The following LRRTM4 variants were observed in gnomAD, a reference collection of about 807,000 sequenced individuals.
LRRTM4 encodes the protein leucine-rich repeat transmembrane neuronal protein 4.
A neutral mutation model predicts 47.6 loss-of-function variants in LRRTM4; 25 were observed. The ratio of observed to expected loss-of-function variants is 0.53; its 90% confidence interval spans 0.38 to 0.73. The LOEUF (loss-of-function observed/expected upper bound fraction) is 0.73. LRRTM4 is among the 30% of genes least tolerant of loss of function. The pLI is 0.00. For missense variants in LRRTM4, 638 were observed against 713.4 expected, an observed-to-expected ratio of 0.89 and a Z score of 1.20; for synonymous variants, 311 against 269.5, an observed-to-expected ratio of 1.15 and a Z score of -1.51.
chr2:76,809,536 C>G (rs933587140), intron 3 of LRRTM4, among the ~76,000 whole-genome samples: 2 of 152,172 alleles, frequency 1.3e-5, no homozygotes. Context: ...TACCCTTCCC[C>G]TGCTAATCCC....
At chr2:77,180,574 C>G (rs528448743) in intron 3 of LRRTM4, among the ~76,000 whole-genome samples, 1 of 152,264 alleles carries the variant, frequency 6.6e-6, no homozygotes, top group Admixed American at 6.5e-5. Context: ...AAAACCTTCA[C>G]ATCAATAAAA....
chr2:77,055,241 A>G (rs1003193107), intron 3 of LRRTM4, among the ~76,000 whole-genome samples: 1 of 152,212 alleles, frequency 6.6e-6, no homozygotes, highest in Non-Finnish European at 1.5e-5. Context: ...CAAAATAAAA[A>G]GATACCACAG....
intron 3 of LRRTM4, among the ~76,000 whole-genome samples, chr2:77,213,522 G>T (rs1674353430): frequency 6.6e-6 from 1 of 151,948 alleles, no homozygotes; most frequent in South Asian, 2.1e-4. Flanking sequence ...GAAGTACCTG[G>T]TACACAGTAC....
rs58919757 is a variant in LRRTM4 at position 77,353,685 on chromosome 2, T to TTTATTATTATTA, written c.1551+164621_1551+164632dup. On this transcript the variant is annotated intron_variant, in intron 3 of 3. Transcript: ENST00000409884. ...TTTCATGTGTAAGAATGCTGCTTAATTTATTATTATTATTATTATTATACT... is the reference window on the plus strand; with the variant it reads ...TTTCATGTGTAAGAATGCTGCTTAATTTATTATTATTATTATTATTATTATTATTATTATACT... Among the ~76,000 whole-genome samples, 68 of 151,250 alleles carry TTTATTATTATTA rather than the reference T, an allele frequency of 4.5e-4. 1 individual carries two copies. In the South Asian group the frequency reaches 0.014, roughly 31 times the overall value.
intron 3 of LRRTM4, among the ~76,000 whole-genome samples, chr2:77,071,066 A>G (rs1242622342): frequency 6.6e-6 from 1 of 152,190 alleles, no homozygotes; most frequent in East Asian, 1.9e-4. Flanking sequence ...CAGAGATCAC[A>G]CATCCTTTGG....
rs1553389714 is a variant in LRRTM4 at position 77,103,667 on chromosome 2, A to ATGTATATATATATATATC, written c.1552-354752_1552-354751insGATATATATATATATACA. On this transcript the variant is annotated intron_variant, in intron 3 of 3. Transcript: ENST00000409884. The stretch of plus-strand genomic sequence containing the variant: ...TGAGTGTATATATATATATATAGAT[A>ATGTATATATATATATATC]TATATATCACATATATGTATATATA... Among the ~76,000 whole-genome samples the ATGTATATATATATATATC allele has an allele frequency of 4.3e-3, 622 of 146,280 alleles. 6 individuals are homozygous for ATGTATATATATATATATC. Among genetic ancestry groups the ATGTATATATATATATATC allele is most frequent in the African/African-American group, 0.015 (579 of 39,080 alleles).
intron 3 of LRRTM4, among the ~76,000 whole-genome samples, chr2:76,949,579 C>G (rs892304611): frequency 6.6e-6 from 1 of 151,744 alleles, no homozygotes; most frequent in South Asian, 2.1e-4. Context: ...GAAAAACGTG[C>G]CAAAAATACT....
chr2:76,947,303 A>G (rs1342549950), intron 3 of LRRTM4, among the ~76,000 whole-genome samples: 2 of 151,840 alleles, frequency 1.3e-5, no homozygotes, highest in Non-Finnish European at 2.9e-5. Flanking sequence ...TATTAACACT[A>G]TCTTCATTTT....
At chr2:77,353,526 C>T (rs1393351733) in intron 3 of LRRTM4, among the ~76,000 whole-genome samples, 3 of 152,076 alleles carry the variant, frequency 2.0e-5, no homozygotes. Context: ...TCACATAAAA[C>T]TGTAATGAAC....
chr2:77,465,415 T>A (rs554446763), intron 3 of LRRTM4, among the ~76,000 whole-genome samples: 1 of 152,244 alleles, frequency 6.6e-6, no homozygotes, highest in African/African-American at 2.4e-5. Flanking sequence ...CGTTTCCCCA[T>A]TGTTGTTCAT....
chr2:76,982,919 A>T (rs1247105779), intron 3 of LRRTM4, among the ~76,000 whole-genome samples: 1 of 152,096 alleles, frequency 6.6e-6, no homozygotes, highest in Admixed American at 6.6e-5. Context: ...CTTTTGCAAT[A>T]GCATAAAAGC....
chr2:76,829,292 C>G (rs60398626), intron 3 of LRRTM4, among the ~76,000 whole-genome samples: 2 of 151,496 alleles, frequency 1.3e-5, no homozygotes, highest in African/African-American at 4.8e-5. Context: ...TAAGGCTCCT[C>G]GAGTGCAGGA....
At chr2:77,010,565 G>A (rs1244799654) in intron 3 of LRRTM4, among the ~76,000 whole-genome samples, 1 of 146,750 alleles carries the variant, frequency 6.8e-6, no homozygotes, top group East Asian at 2.0e-4. Context: ...CCATTCATCT[G>A]TTGATAGACA....
intron 3 of LRRTM4, among the ~76,000 whole-genome samples, chr2:76,834,427 C>T (rs1487936925): frequency 1.6e-4 from 25 of 151,886 alleles, no homozygotes; most frequent in Admixed American, 1.1e-3. Context: ...TCAAGATATA[C>T]GTTACTCTAA....
At chr2:76,850,208 C>T (rs988650118) in intron 3 of LRRTM4, among the ~76,000 whole-genome samples, 1 of 152,036 alleles carries the variant, frequency 6.6e-6, no homozygotes, top group Non-Finnish European at 1.5e-5. Flanking sequence ...CGGTTTCTGC[C>T]CATCTGCACT....
At chr2:76,861,362 A>G (rs1331492684) in intron 3 of LRRTM4, among the ~76,000 whole-genome samples, 1 of 152,146 alleles carries the variant, frequency 6.6e-6, no homozygotes, top group Non-Finnish European at 1.5e-5. Flanking sequence ...CTTTCTGCAC[A>G]TCACCAATTG....
chr2:76,960,496 T>C (rs1201797635), intron 3 of LRRTM4, among the ~76,000 whole-genome samples: 1 of 151,638 alleles, frequency 6.6e-6, no homozygotes, highest in African/African-American at 2.4e-5. Context: ...ATTTCTCTTC[T>C]CAGAAGTTAT....
chr2:77,330,807 A>G (rs1198725370), intron 3 of LRRTM4, among the ~76,000 whole-genome samples: 1 of 152,198 alleles, frequency 6.6e-6, no homozygotes, highest in Non-Finnish European at 1.5e-5. Context: ...AAAAAATAAA[A>G]TATAGGAAGT....
At chr2:77,270,612 T>C (rs1380405417) in intron 3 of LRRTM4, among the ~76,000 whole-genome samples, 1 of 152,224 alleles carries the variant, frequency 6.6e-6, no homozygotes, top group Non-Finnish European at 1.5e-5. Flanking sequence ...CTCATTCTTA[T>C]TTGACCATTA....
Sources: allele counts gnomAD v4.1 joint callset (sites outside exome capture counted in the v4.1 genomes callset), GRCh38; gene constraint gnomAD v4.1.1; transcripts MANE v1.5; gene names NCBI Gene and HGNC (gene_info 2026-07-23, HGNC 2026-07-21).